The following NRG3 variants were observed in gnomAD, a reference collection of about 807,000 sequenced individuals.
The protein encoded by NRG3 is neuregulin 3, also known as pro-neuregulin-3, membrane-bound isoform.
NRG3 carries 31 observed loss-of-function variants against 66.9 expected under a neutral mutation model. That is an observed-to-expected ratio of 0.46 (90% CI 0.35 to 0.63). The LOEUF is 0.63. Among genes scored for constraint, NRG3 ranks in the 20% least tolerant of loss-of-function variants. The probability of loss-of-function intolerance (pLI) is 0.00; values close to 1 mark genes in which losing one functional copy is unlikely to be tolerated. For synonymous variants in NRG3, 393 were observed against 359.4 expected (o/e 1.09, Z -1.06); for missense variants, 910 against 878.9 (o/e 1.04, Z -0.45).
chr10:82,779,533 G>C (rs1215255120), intron 3 of NRG3, among the ~76,000 whole-genome samples: 1 of 152,100 alleles, frequency 6.6e-6, no homozygotes, highest in Non-Finnish European at 1.5e-5. Context: ...GGCACCTCTA[G>C]TGAGACATCT....
intron 4 of NRG3, among the ~76,000 whole-genome samples, chr10:82,908,703 A>G (rs768216638): frequency 3.3e-5 from 5 of 152,224 alleles, no homozygotes; most frequent in African/African-American, 9.6e-5. Context: ...ATGGACAGAG[A>G]TGAGCTTCTG....
At chr10:82,003,678 C>T (rs2133701541) in intron 1 of NRG3, among the ~76,000 whole-genome samples, 1 of 152,158 alleles carries the variant, frequency 6.6e-6, no homozygotes, top group East Asian at 1.9e-4. Context: ...TGCTGGTAAC[C>T]AAAATGCCAG....
chr10:82,480,789 G>A (rs558292197), intron 2 of NRG3, among the ~76,000 whole-genome samples: 7 of 152,324 alleles, frequency 4.6e-5, no homozygotes, highest in African/African-American at 1.4e-4. Context: ...AGCTGCTTCC[G>A]TGTCATTGGC....
At chr10:81,912,284 C>T (rs1170149904) in intron 1 of NRG3, among the ~76,000 whole-genome samples, 1 of 152,152 alleles carries the variant, frequency 6.6e-6, no homozygotes, top group African/African-American at 2.4e-5. Context: ...TTCAGGGGTG[C>T]AGTCATAGCT....
chr10:82,019,781 A>G (rs916910687), intron 1 of NRG3, among the ~76,000 whole-genome samples: 4 of 151,834 alleles, frequency 2.6e-5, no homozygotes, highest in African/African-American at 9.7e-5. Flanking sequence ...ATCGGTGGTG[A>G]TATCTCCTTT....
chr10:81,939,525 C>G (rs1848213583), intron 1 of NRG3, among the ~76,000 whole-genome samples: 1 of 151,788 alleles, frequency 6.6e-6, no homozygotes, highest in South Asian at 2.1e-4. Context: ...GAATTTATCA[C>G]TTTCTTCTAG....
At chr10:82,126,363 T>G (rs2068448610) in intron 1 of NRG3, among the ~76,000 whole-genome samples, 1 of 151,984 alleles carries the variant, frequency 6.6e-6, no homozygotes, top group Non-Finnish European at 1.5e-5. Flanking sequence ...TTGCAGTAAT[T>G]ATAGGGTTAT....
Position 82,245,982 on chromosome 10 carries a change from T to TTTTTTG in NRG3, c.824-112752_824-112751insGTTTTT, listed in dbSNP as rs1176883233. On this transcript the variant is annotated intron_variant, in intron 1 of 8. Transcript: ENST00000372141. ...TGATTTTTTCCCAGTCTTCTGGTTT[T>TTTTTTG]TTTTTTTTTTTTTTTTTTTAACTCA... Among the ~76,000 whole-genome samples the TTTTTTG allele has an allele frequency of 8.1e-4, 116 of 143,868 alleles. 1 individual carries two copies. Among genetic ancestry groups the TTTTTTG allele is most frequent in the Middle Eastern group, 3.5e-3 (1 of 282 alleles). The allele number at this position is 143,868 out of a possible 152,430, so 94.4% of individuals were successfully genotyped here.
chr10:82,643,334 T>G (rs2050710634), intron 2 of NRG3, among the ~76,000 whole-genome samples: 1 of 152,214 alleles, frequency 6.6e-6, no homozygotes, highest in South Asian at 2.1e-4. Context: ...GCAGAAGCTC[T>G]CTCTCTCTTT....
chr10:82,102,084 A>G (rs1177950777), intron 1 of NRG3, among the ~76,000 whole-genome samples: 1 of 118,894 alleles, frequency 8.4e-6, no homozygotes, highest in African/African-American at 3.2e-5. Context: ...ACATATATAT[A>G]TGTGTATTCA....
chr10:82,680,899 T>G (rs1201266073), intron 2 of NRG3, among the ~76,000 whole-genome samples: 1 of 152,238 alleles, frequency 6.6e-6, no homozygotes, highest in African/African-American at 2.4e-5. Context: ...CAAGGGATGT[T>G]AGCCACATGA....
chr10:82,929,820 G>T (rs1179916691), intron 4 of NRG3, among the ~76,000 whole-genome samples: 1 of 149,766 alleles, frequency 6.7e-6, no homozygotes, highest in Non-Finnish European at 1.5e-5. Flanking sequence ...AGGTTGCAGT[G>T]AGCCGAGATT....
intron 2 of NRG3, among the ~76,000 whole-genome samples, chr10:82,694,088 C>T (rs755605638): frequency 5.9e-5 from 9 of 152,172 alleles, no homozygotes; most frequent in Non-Finnish European, 7.3e-5. Flanking sequence ...TAGCTGGACA[C>T]GGAGCGCTGA....
intron 2 of NRG3, among the ~76,000 whole-genome samples, chr10:82,586,070 T>G (rs903258373): frequency 6.6e-6 from 1 of 152,140 alleles, no homozygotes. Flanking sequence ...TTGCAAATCA[T>G]GGATGATAGG....
At chr10:82,644,771 A>G (rs2050821769) in intron 2 of NRG3, among the ~76,000 whole-genome samples, 1 of 152,116 alleles carries the variant, frequency 6.6e-6, no homozygotes, top group African/African-American at 2.4e-5. Flanking sequence ...GTTGTAAAAT[A>G]ACTCCCCCAG....
At chr10:82,609,516 A>G (rs2048174960) in intron 2 of NRG3, among the ~76,000 whole-genome samples, 1 of 152,058 alleles carries the variant, frequency 6.6e-6, no homozygotes, top group Non-Finnish European at 1.5e-5. Context: ...AATGGTGCTA[A>G]TCAATTGAGA....
chr10:82,215,963 C>CTTTT (rs71894841), intron 1 of NRG3, among the ~76,000 whole-genome samples: 7,994 of 88,240 alleles, frequency 0.091, 623 homozygotes, highest in East Asian at 0.13. Flanking sequence ...TTATGTTTTC[C>CTTTT]TTTTTTTTTT....
chr10:82,770,130 T>C (rs186106214), intron 3 of NRG3, among the ~76,000 whole-genome samples: 2 of 152,278 alleles, frequency 1.3e-5, no homozygotes, highest in Admixed American at 6.5e-5. Context: ...TTTTTACATG[T>C]ACTCTTACTC....
chr10:82,393,914 A>G (rs1400131385), intron 2 of NRG3, among the ~76,000 whole-genome samples: 3 of 152,134 alleles, frequency 2.0e-5, no homozygotes, highest in Admixed American at 6.5e-5. Context: ...TGCAGAGGGT[A>G]TTTTGTGTGG....
Sources: gnomAD v4.1 joint callset for allele counts (sites outside exome capture counted in the v4.1 genomes callset) on GRCh38, gnomAD v4.1.1 for gene constraint, MANE v1.5 for transcripts, NCBI Gene and HGNC (gene_info 2026-07-23, HGNC 2026-07-21) for gene names.